NECAB1: variants seen among roughly 807,000 people sequenced by gnomAD.
NECAB1 encodes the protein N-terminal EF-hand calcium-binding protein 1.
In NECAB1, 29 loss-of-function variants were observed where a neutral mutation model predicts 57.5. The ratio of observed to expected loss-of-function variants is 0.50; its 90% CI spans 0.38 to 0.69. The LOEUF (loss-of-function observed/expected upper bound fraction) is 0.69, where lower values mean the gene tolerates loss of function less well. NECAB1 is among the 30% of genes least tolerant of loss of function. The probability of loss-of-function intolerance (pLI) is 0.00; values close to 1 mark genes in which losing one functional copy is unlikely to be tolerated. For synonymous variants in NECAB1, 142 were observed against 147.7 expected, an observed-to-expected ratio of 0.96 and a Z score of 0.28; for missense variants, 372 against 413.8, an observed-to-expected ratio of 0.90 and a Z score of 0.88.
chr8:90,890,078 A>G (rs1244298312), intron 5 of NECAB1, among the ~76,000 whole-genome samples: 6 of 152,136 alleles, frequency 3.9e-5, no homozygotes, highest in Admixed American at 3.9e-4. Flanking sequence ...AAACTCTGAC[A>G]TACATGCCTA....
rs921965168 is a variant in NECAB1 at position 90,815,844 on chromosome 8, C to T, written c.125-8873C>T. 5.3e-5 allele frequency among the ~76,000 whole-genome samples: 8 copies of T among 151,858 alleles called. No individual in the cohort carries two copies. The East Asian group carries it at 5.8e-4, about 11-fold the overall frequency. On this transcript the variant is annotated intron_variant, in intron 2 of 12. Coordinates refer to ENST00000417640, the MANE Select transcript of NECAB1 (RefSeq NM_022351.5). ...GACATGAATAAAATAATTTGTTTCCCATTTTTTGTGATTATGAACAAAGCT... is the reference window on the plus strand; with the variant it reads ...GACATGAATAAAATAATTTGTTTCCTATTTTTTGTGATTATGAACAAAGCT...
At chr8:90,934,011 C>G (rs1399141689) in intron 8 of NECAB1, among the ~76,000 whole-genome samples, 1 of 152,100 alleles carries the variant, frequency 6.6e-6, no homozygotes, top group Admixed American at 6.6e-5. Context: ...CCCTTTCCCT[C>G]TCTGTTTTAA....
intron 1 of NECAB1, among the ~76,000 whole-genome samples, chr8:90,792,469 G>C (rs1027458162): frequency 6.6e-5 from 10 of 152,126 alleles, no homozygotes; most frequent in African/African-American, 2.4e-4. Flanking sequence ...ATTACTTTGA[G>C]CATATTTGTT....
intron 5 of NECAB1, among the ~76,000 whole-genome samples, chr8:90,901,650 A>G (rs1809505558): frequency 6.6e-6 from 1 of 152,080 alleles, no homozygotes; most frequent in African/African-American, 2.4e-5. Context: ...TTCTAGCTCT[A>G]TGTCTTTAGT....
At chr8:90,891,238 G>A (rs968218408) in intron 5 of NECAB1, among the ~76,000 whole-genome samples, 2 of 152,174 alleles carry the variant, frequency 1.3e-5, no homozygotes, top group African/African-American at 4.8e-5. Context: ...TCATTAAGTA[G>A]CAGAGGTATA....
intron 5 of NECAB1, among the ~76,000 whole-genome samples, chr8:90,894,660 A>G (rs1809279134): frequency 6.6e-6 from 1 of 152,210 alleles, no homozygotes; most frequent in African/African-American, 2.4e-5. Flanking sequence ...CTCAAGTTTC[A>G]TACTTTGTTA....
At chr8:90,879,901 A>C (rs1013800504) in intron 4 of NECAB1, among the ~76,000 whole-genome samples, 5 of 152,180 alleles carry the variant, frequency 3.3e-5, no homozygotes, top group African/African-American at 7.2e-5. Context: ...ACTTTTTGTC[A>C]AAAATATGTT....
At chr8:90,798,784 A>G (rs1811711949) in intron 1 of NECAB1, among the ~76,000 whole-genome samples, 1 of 152,182 alleles carries the variant, frequency 6.6e-6, no homozygotes, top group African/African-American at 2.4e-5. Flanking sequence ...TCTTTTTGGT[A>G]CAATGATTTA....
At chr8:90,855,042 T>A (rs1286542440) in intron 3 of NECAB1, among the ~76,000 whole-genome samples, 4 of 152,224 alleles carry the variant, frequency 2.6e-5, no homozygotes, top group Non-Finnish European at 5.9e-5. Context: ...TAGGCATCTA[T>A]ATGCCCAAGG....
At chr8:90,801,951 T>G (rs548984472) in intron 2 of NECAB1, among the ~76,000 whole-genome samples, 2 of 152,244 alleles carry the variant, frequency 1.3e-5, no homozygotes, top group Admixed American at 1.3e-4. Flanking sequence ...TCTGCCATAT[T>G]TGGACTCTGG....
In NECAB1 at chr8:90,894,396, T is replaced by C. The variant is rs186865928; in HGVS notation, c.357+13266T>C. ...CCCAAACTATACAAATCAGAATATG[T>C]GGGATAAATGGAGAGATGTCTCCAG... On this transcript the variant is annotated intron_variant, in intron 5 of 12. Coordinates refer to ENST00000417640, the MANE Select transcript of NECAB1 (RefSeq NM_022351.5). 4.9e-4 allele frequency among the ~76,000 whole-genome samples: 75 copies of C among 152,264 alleles called. 1 individual carries two copies. The highest frequency in any genetic ancestry group is 9.1e-4 in the Non-Finnish European group (62 of 68,020).
intron 5 of NECAB1, among the ~76,000 whole-genome samples, chr8:90,895,637 A>G (rs1809309181): frequency 6.6e-6 from 1 of 152,232 alleles, no homozygotes; most frequent in South Asian, 2.1e-4. Context: ...TTTTCAGCAG[A>G]TAGAAAAAGT....
chr8:90,832,995 T>C (rs538275753), intron 3 of NECAB1, among the ~76,000 whole-genome samples: 29 of 152,192 alleles, frequency 1.9e-4, no homozygotes, highest in Non-Finnish European at 3.5e-4. Context: ...TAGAATATAT[T>C]TGATGTATAC....
intron 3 of NECAB1, among the ~76,000 whole-genome samples, chr8:90,843,337 G>A (rs1255686738): frequency 4.6e-5 from 7 of 152,178 alleles, no homozygotes; most frequent in Admixed American, 4.6e-4. Context: ...GTGTATAATT[G>A]CTGGTCTCTT....
chr8:90,954,133 C>T (rs1810972678), intron 12 of NECAB1, among the ~76,000 whole-genome samples: 1 of 150,464 alleles, frequency 6.6e-6, no homozygotes, highest in Non-Finnish European at 1.5e-5. Context: ...CATATTTATA[C>T]CTAAAATTAA....
chr8:90,908,406 A>G (rs1809746825), intron 5 of NECAB1, among the ~76,000 whole-genome samples: 1 of 152,140 alleles, frequency 6.6e-6, no homozygotes, highest in Non-Finnish European at 1.5e-5. Flanking sequence ...TAAAAACGTA[A>G]CATTTGGTTC....
intron 3 of NECAB1, among the ~76,000 whole-genome samples, chr8:90,826,458 C>T (rs888898240): frequency 5.9e-5 from 9 of 151,754 alleles, no homozygotes; most frequent in African/African-American, 1.7e-4. Flanking sequence ...AATGTTTATT[C>T]GTGAAAGAAA....
chr8:90,812,027 C>A (rs1811968760), intron 2 of NECAB1, among the ~76,000 whole-genome samples: 1 of 152,112 alleles, frequency 6.6e-6, no homozygotes, highest in Non-Finnish European at 1.5e-5. Flanking sequence ...AAGCAAAAAT[C>A]AGTGTTTCTA....
chr8:90,867,208 A>G (rs1808534571), intron 3 of NECAB1, among the ~76,000 whole-genome samples: 1 of 152,264 alleles, frequency 6.6e-6, no homozygotes. Context: ...AACTAATGTC[A>G]TGCAGATTAT....
Sources: gnomAD v4.1 joint callset for allele counts (sites outside exome capture counted in the v4.1 genomes callset) on GRCh38, gnomAD v4.1.1 for gene constraint, MANE v1.5 for transcripts, NCBI Gene and HGNC (gene_info 2026-07-23, HGNC 2026-07-21) for gene names.